Variants in CSMD1 observed in about 807,000 individuals in gnomAD.
The protein encoded by CSMD1 is CUB and sushi domain-containing protein 1.
Under a neutral mutation model 417.5 loss-of-function variants are expected in CSMD1, and 213 were observed. The ratio of observed to expected loss-of-function variants is 0.51; its 90% CI spans 0.46 to 0.57. The LOEUF is 0.57. CSMD1 is among the 20% of genes least tolerant of loss of function. The probability of loss-of-function intolerance (pLI) is 0.00; values close to 1 mark genes in which losing one functional copy is unlikely to be tolerated. For synonymous variants in CSMD1, 2,862 were observed against 1,736.8 expected (o/e 1.65, Z -16.11); for missense variants, 6,923 against 4,529.7 (o/e 1.53, Z -15.17).
At chr8:3,607,535 G>A (rs1199120712) in intron 8 of CSMD1, among the ~76,000 whole-genome samples, 2 of 152,166 alleles carry the variant, frequency 1.3e-5, no homozygotes, top group African/African-American at 2.4e-5. Flanking sequence ...CATCAAGACT[G>A]CCGCAAACAT....
chr8:4,062,131 T>G (rs1007416339), intron 3 of CSMD1, among the ~76,000 whole-genome samples: 1 of 151,944 alleles, frequency 6.6e-6, no homozygotes, highest in Non-Finnish European at 1.5e-5. Context: ...AGAGGGTCAG[T>G]GGAGGCTCAT....
chr8:3,809,014 G>C (rs908563472), intron 5 of CSMD1, among the ~76,000 whole-genome samples: 1 of 152,182 alleles, frequency 6.6e-6, no homozygotes, highest in Non-Finnish European at 1.5e-5. Context: ...GATGATTCAA[G>C]GATGCTGGAA....
chr8:4,849,177 T>G (rs1801320009), intron 1 of CSMD1, among the ~76,000 whole-genome samples: 1 of 151,968 alleles, frequency 6.6e-6, no homozygotes, highest in African/African-American at 2.4e-5. Context: ...TTTCAAAAAG[T>G]AAAATAAAAC....
At chr8:4,144,542 C>A (rs756756031) in intron 3 of CSMD1, among the ~76,000 whole-genome samples, 1 of 151,014 alleles carries the variant, frequency 6.6e-6, no homozygotes, top group Non-Finnish European at 1.5e-5. Flanking sequence ...CCTCCAGAAT[C>A]TGGTTAGAGT....
intron 2 of CSMD1, among the ~76,000 whole-genome samples, chr8:4,450,974 A>G (rs1034835326): frequency 1.3e-5 from 2 of 151,998 alleles, no homozygotes; most frequent in Non-Finnish European, 2.9e-5. Context: ...AACGTATTAT[A>G]TTTGGGTACT....
chr8:4,894,139 A>G (rs1432834187), intron 1 of CSMD1, among the ~76,000 whole-genome samples: 1 of 152,048 alleles, frequency 6.6e-6, no homozygotes, highest in Non-Finnish European at 1.5e-5. Context: ...TTGAAAAATT[A>G]TCTCTATTTT....
chr8:3,124,154 G>T (rs1817365605), intron 41 of CSMD1, among the ~76,000 whole-genome samples: 1 of 152,062 alleles, frequency 6.6e-6, no homozygotes, highest in Non-Finnish European at 1.5e-5. Context: ...GGGGAGGGGG[G>T]AGCAGATTAG....
At chr8:2,984,331 G>A (rs377173649) in intron 54 of CSMD1, among the ~76,000 whole-genome samples, 39 of 152,200 alleles carry the variant, frequency 2.6e-4, no homozygotes, top group Non-Finnish European at 4.3e-4. Flanking sequence ...AAACCTGTGC[G>A]TTGAGGCTAT....
At chr8:4,737,724 G>A (rs367729741) in intron 1 of CSMD1, among the ~76,000 whole-genome samples, 1 of 152,148 alleles carries the variant, frequency 6.6e-6, no homozygotes, top group South Asian at 2.1e-4. Flanking sequence ...CTAAGCAATA[G>A]GTAATGGCTT....
intron 2 of CSMD1, among the ~76,000 whole-genome samples, chr8:4,571,773 T>C (rs1169466816): frequency 6.6e-6 from 1 of 152,182 alleles, no homozygotes; most frequent in South Asian, 2.1e-4. Flanking sequence ...AGTCTCTTTG[T>C]ACGTCTCTAA....
rs1278291389 is a variant in CSMD1, at chr8:3,230,103, T to G, written c.4282A>C (p.Lys1428Gln). 1 of 1,613,546 alleles carries G rather than the reference T, an allele frequency of 6.2e-7. No individual in the cohort carries two copies. The highest frequency in any genetic ancestry group is 1.3e-5 in the African/African-American group (1 of 74,922). ...TTATTCAGCTGCACACAGGTGATTT[T>G]GGCTTGTCCTTGGAGCTGATAGCCA... Reference protein sequence around the residue: ...DPGYQLQGQAKITCVQLNNRF... With the variant: ...DPGYQLQGQAQITCVQLNNRF... Residue 1428 changes from lysine to glutamine, a missense_variant, in exon 27 of 70, where the codon AAA becomes CAA. Physicochemically the swap from Lys to Gln is moderately conservative, Grantham distance 53. Transcript: ENST00000635120.
At chr8:4,682,964 A>G (rs1231926940) in intron 1 of CSMD1, among the ~76,000 whole-genome samples, 3 of 30,008 alleles carry the variant, frequency 1.0e-4, no homozygotes, top group Non-Finnish European at 2.0e-4. Context: ...TCATATATAT[A>G]TATATATATA....
intron 3 of CSMD1, among the ~76,000 whole-genome samples, chr8:4,075,997 G>T (rs1159568355): frequency 6.6e-6 from 1 of 152,096 alleles, no homozygotes; most frequent in African/African-American, 2.4e-5. Flanking sequence ...TCTCTGGGAG[G>T]GTGGAGGGGG....
intron 3 of CSMD1, among the ~76,000 whole-genome samples, chr8:4,323,543 G>C (rs12546471): frequency 0.67 from 101,311 of 151,890 alleles, 34,833 homozygotes; most frequent in African/African-American, 0.84. Flanking sequence ...ACCAGTGTGG[G>C]TGATCTATAT....
intron 4 of CSMD1, among the ~76,000 whole-genome samples, chr8:4,018,372 T>C (rs1380540999): frequency 6.6e-6 from 1 of 152,208 alleles, no homozygotes; most frequent in Non-Finnish European, 1.5e-5. Context: ...GGAGCTGCCA[T>C]CATCTTTCTC....
chr8:4,194,335 G>A (rs1039929441), intron 3 of CSMD1, among the ~76,000 whole-genome samples: 12 of 152,100 alleles, frequency 7.9e-5, no homozygotes, highest in Admixed American at 4.6e-4. Flanking sequence ...GAAGCTTCAG[G>A]AGAAAACCAC....
At chr8:4,455,069 T>G (rs1446942716) in intron 2 of CSMD1, among the ~76,000 whole-genome samples, 4 of 152,090 alleles carry the variant, frequency 2.6e-5, no homozygotes, top group African/African-American at 4.8e-5. Flanking sequence ...GCTGGGAAAC[T>G]TCGTGCTATA....
chr8:4,829,206 T>C (rs534935107), intron 1 of CSMD1, among the ~76,000 whole-genome samples: 1 of 152,334 alleles, frequency 6.6e-6, no homozygotes, highest in African/African-American at 2.4e-5. Context: ...TAATAAAGAC[T>C]GCTCAAGTTG....
intron 21 of CSMD1, among the ~76,000 whole-genome samples, chr8:3,349,041 C>A (rs550490085): frequency 6.6e-6 from 1 of 152,136 alleles, no homozygotes; most frequent in Non-Finnish European, 1.5e-5. Context: ...CAGGAGTCTG[C>A]GCCAACAATT....
Sources: allele counts gnomAD v4.1 joint callset (sites outside exome capture counted in the v4.1 genomes callset), GRCh38; gene constraint gnomAD v4.1.1; transcripts MANE v1.5; gene names NCBI Gene and HGNC (gene_info 2026-07-23, HGNC 2026-07-21).